The following HDHD5 variants were observed in gnomAD, a reference collection of about 807,000 sequenced individuals.
The protein encoded by HDHD5 is haloacid dehalogenase like hydrolase domain containing 5.
A neutral mutation model predicts 35.5 loss-of-function variants in HDHD5; 34 were observed. The observed-to-expected ratio is 0.96, with a 90% confidence interval of 0.73 to 1.28. The LOEUF (loss-of-function observed/expected upper bound fraction) is 1.28, where lower values mean the gene tolerates loss of function less well. Ranked by LOEUF, HDHD5 falls within the 50% of genes most tolerant of loss-of-function variation. The pLI is 0.00. For synonymous variants in HDHD5, 248 were observed against 240.6 expected (o/e 1.03, Z -0.29); for missense variants, 589 against 560.2 (o/e 1.05, Z -0.52).
chr22:17,148,601 G>T, intron 2 of HDHD5, 41 bp from the exon 3 acceptor site: 2 of 1,439,880 alleles, frequency 1.4e-6, no homozygotes, highest in Non-Finnish European at 2.0e-6. Flanking sequence ...GAGGAAGACA[G>T]AACTGTTGAG....
At chr22:17,160,649 GAAA>G (rs56071352), upstream of HDHD5, among the ~76,000 whole-genome samples, 6,170 of 144,446 alleles carry the variant, frequency 0.043, 243 homozygotes, top group South Asian at 0.18. Context: ...ACTCCGTCTT[GAAA>G]AAAAAAAAAA....
chr22:17,138,690 T>C lies in HDHD5; in HGVS notation c.795A>G (p.Lys265=). Residue 265 remains lysine, a synonymous_variant, in exon 7 of 8, where the codon AAA becomes AAG. Coordinates refer to ENST00000336737, the MANE Select transcript of HDHD5 (RefSeq NM_033070.3). The part of the protein sequence containing the change: ...FLLCLETIYQ[K]VTGKELRYEG... Reference sequence around the variant, plus strand: ...CGTATCTCAGCTCCTTGCCCGTCACTTTCTGGTAAATGGTTTCCAGGCACA... The same window carrying C: ...CGTATCTCAGCTCCTTGCCCGTCACCTTCTGGTAAATGGTTTCCAGGCACA... 6.2e-7 allele frequency: 1 copy of C among 1,614,244 alleles called. No individual in the cohort carries two copies. Among genetic ancestry groups the C allele is most frequent in the South Asian group, 1.1e-5 (1 of 91,086 alleles).
intron 5 of HDHD5, chr22:17,141,709 G>T: frequency 2.8e-6 from 2 of 702,624 alleles, no homozygotes; most frequent in Non-Finnish European, 3.5e-6. Flanking sequence ...TATGACTGTG[G>T]CCAAGTAACT....
Position 17,137,974 on chromosome 22 carries a change from C to T in HDHD5, c.*47G>A. Reference sequence around the variant, plus strand: ...TCAGGCCAGAGCCCAGCCAATGGGACTCGCCCACAGGTCCAGGCTCACCCC... The same window carrying T: ...TCAGGCCAGAGCCCAGCCAATGGGATTCGCCCACAGGTCCAGGCTCACCCC... On this transcript the variant is annotated 3_prime_UTR_variant, in exon 8 of 8. Transcript: ENST00000336737. 2.6e-6 allele frequency: 4 copies of T among 1,515,070 alleles called. No homozygotes were observed. In the South Asian group the frequency reaches 4.9e-5, roughly 19 times the overall value. The allele number at this position is 1,515,070 out of a possible 1,614,324, so 93.9% of individuals were successfully genotyped here. A position where few individuals can be genotyped will look rare whatever the true frequency, so the allele number is the denominator to read the frequency against.
chr22:17,156,950 C>T (rs575741610), intron 1 of HDHD5, among the ~76,000 whole-genome samples: 5 of 151,878 alleles, frequency 3.3e-5, no homozygotes, highest in East Asian at 2.0e-4. Context: ...TGGTGGCAGG[C>T]GCCTGTAATC....
intron 1 of HDHD5, among the ~76,000 whole-genome samples, chr22:17,156,998 AACCTGGGAGGCAGAGGTTGCAGTGG>A (rs1326315630): frequency 2.2e-4 from 34 of 151,444 alleles, no homozygotes; most frequent in African/African-American, 8.0e-4. Context: ...GAATCACTTG[AACCTGGGAGGCAGAGGTTGCAGTGG>A]ACCGAGATGG....
chr22:17,141,024 C>T (rs773609702), intron 6 of HDHD5, 35 bp downstream of exon 6: 20 of 1,536,982 alleles, frequency 1.3e-5, no homozygotes, highest in Non-Finnish European at 1.7e-5. Flanking sequence ...CAGGAATAGA[C>T]CACCAGGCCA....
At position 17,138,545 on chromosome 22, in the gene HDHD5, C is replaced by T. The variant is rs1258035787; in HGVS notation, c.935+5G>A. ...AAGGGACAAAGGAGGGAGAGCAGAGCCTACCCCACAGCATAGAGCTTCCGG... is the reference window on the plus strand; with the variant it reads ...AAGGGACAAAGGAGGGAGAGCAGAGTCTACCCCACAGCATAGAGCTTCCGG... On this transcript the variant is annotated splice_donor_5th_base_variant and intron_variant, in intron 7 of 7. Transcript: ENST00000336737. The T allele has an allele frequency of 6.2e-7, 1 of 1,613,292 alleles. No homozygotes were observed. Among genetic ancestry groups the T allele is most frequent in the African/African-American group, 1.3e-5 (1 of 75,036 alleles).
chr22:17,160,663 T>A (rs9680689), upstream of HDHD5, among the ~76,000 whole-genome samples: 50,003 of 142,178 alleles, frequency 0.35, 9,226 homozygotes, highest in Middle Eastern at 0.42. Flanking sequence ...AAAAAAAAAA[T>A]AATAATAATA....
chr22:17,145,225 G>T lies in HDHD5; in HGVS notation c.444-108C>A, dbSNP rs1467028991. 132 of 1,529,908 alleles carry T rather than the reference G, an allele frequency of 8.6e-5. No homozygotes were observed. The South Asian group carries it at 1.5e-3, about 17-fold the overall frequency. The allele number at this position is 1,529,908 out of a possible 1,614,324, so 94.8% of individuals were successfully genotyped here. On this transcript the variant is annotated intron_variant, in intron 3 of 7. Coordinates refer to ENST00000336737, the MANE Select transcript of HDHD5 (RefSeq NM_033070.3). ...CACAACCCACTCCTGATCAAGCCAG[G>T]CAGGAGGGCACCAAGCAGAGCCCAG...
intron 3 of HDHD5, among the ~76,000 whole-genome samples, chr22:17,147,332 A>C (rs2061673269): frequency 1.0e-5 from 1 of 97,848 alleles, no homozygotes; most frequent in Admixed American, 1.1e-4. Flanking sequence ...ATCACACGCC[A>C]TCGCACACGC....
chr22:17,155,231 C>CTTT (rs539943001), intron 1 of HDHD5, among the ~76,000 whole-genome samples: 7 of 133,248 alleles, frequency 5.3e-5, no homozygotes, highest in South Asian at 2.4e-4. Context: ...ATTTGCTTTC[C>CTTT]TTTTTTTTTT....
chr22:17,164,542 G>A (rs1239945745), intron 1 of HDHD5, among the ~76,000 whole-genome samples: 1 of 152,202 alleles, frequency 6.6e-6, no homozygotes, highest in Non-Finnish European at 1.5e-5. Flanking sequence ...TCACTGCACA[G>A]CTGCCACTTC....
chr22:17,140,196 T>G (rs1187835812), intron 6 of HDHD5, among the ~76,000 whole-genome samples: 1 of 152,130 alleles, frequency 6.6e-6, no homozygotes, highest in Admixed American at 6.5e-5. Context: ...AGGCTGAGAC[T>G]CAAGAGACTG....
Position 17,150,069 on chromosome 22 carries a change from T to C in HDHD5, c.127-324A>G, listed in dbSNP as rs181061921. ...AAGGGATCCTCTCGCCTCAGCTTCCTAAATTTAATGCTAGGATTATTAGGC... is the reference window on the plus strand; with the variant it reads ...AAGGGATCCTCTCGCCTCAGCTTCCCAAATTTAATGCTAGGATTATTAGGC... On this transcript the variant is annotated intron_variant, in intron 1 of 7. Coordinates refer to ENST00000336737, the MANE Select transcript of HDHD5 (RefSeq NM_033070.3). 2.6e-3 allele frequency among the ~76,000 whole-genome samples: 402 copies of C among 152,308 alleles called. 2 individuals are homozygous for C. The highest frequency in any genetic ancestry group is 9.2e-3 in the African/African-American group (381 of 41,564).
chr22:17,154,343 G>A (rs1254169067), intron 1 of HDHD5, among the ~76,000 whole-genome samples: 2 of 145,688 alleles, frequency 1.4e-5, no homozygotes, highest in Non-Finnish European at 3.0e-5. Context: ...TTAGCTGGGC[G>A]TGGTGGCACA....
chr22:17,137,723 G>A lies in HDHD5; in HGVS notation c.*298C>T. ...CTCCCCCATTTCAGAAGTCCCTACT[G>A]AAATGAGAAGGACACTGAGGCACAC... On this transcript the variant is annotated 3_prime_UTR_variant, in exon 8 of 8. Coordinates refer to ENST00000336737, the MANE Select transcript of HDHD5 (RefSeq NM_033070.3). 1 of 361,090 alleles carries A rather than the reference G, an allele frequency of 2.8e-6. No individual in the cohort carries two copies. The highest frequency in any genetic ancestry group is 4.3e-5 in the South Asian group (1 of 23,468). 22.4% of individuals were successfully genotyped at this position (361,090 alleles called of 1,614,324 possible). A position where few individuals can be genotyped will look rare whatever the true frequency, so the allele number is the denominator to read the frequency against.
rs780792685 is a variant in HDHD5, at chr22:17,149,559, C to G, written c.313G>C (p.Ala105Pro). Reference sequence around the variant, plus strand: ...CTTCTCACCTCGCACCCCAGCAGGGCTGACAGCTCCTGGGCTTTGCTGTGT... The same window carrying G: ...CTTCTCACCTCGCACCCCAGCAGGGGTGACAGCTCCTGGGCTTTGCTGTGT... ...LQHSKAQELS[A>P]LLGCEVDADQ... is the part of the protein sequence containing the mutation. Residue 105 changes from alanine to proline, a missense_variant, in exon 2 of 8, where the codon GCC (alanine) becomes CCC (proline). Ala to Pro is a conservative substitution (Grantham distance 27, BLOSUM62 -1). Coordinates refer to ENST00000336737, the MANE Select transcript of HDHD5 (RefSeq NM_033070.3). The G allele has an allele frequency of 6.2e-7, 1 of 1,612,346 alleles. No homozygotes were observed. The highest frequency in any genetic ancestry group is 1.7e-5 in the Admixed American group (1 of 60,020).
At chr22:17,161,386 C>T (rs551778714), upstream of HDHD5, among the ~76,000 whole-genome samples, 1 of 150,580 alleles carries the variant, frequency 6.6e-6, no homozygotes, top group South Asian at 2.1e-4. Context: ...TGGTGAAACT[C>T]TGTCTCTACT....
Sources: gnomAD v4.1 joint callset for allele counts (sites outside exome capture counted in the v4.1 genomes callset) on GRCh38, gnomAD v4.1.1 for gene constraint, MANE v1.5 for transcripts, NCBI Gene and HGNC (gene_info 2026-07-23, HGNC 2026-07-21) for gene names.